Variants in ROCK1 observed in about 807,000 individuals in gnomAD.
The protein encoded by ROCK1 is Rho associated coiled-coil containing protein kinase 1, also known as rho-associated protein kinase 1.
ROCK1 carries 36 observed loss-of-function variants against 196.8 expected under a neutral mutation model. That is an observed-to-expected ratio of 0.18 (90% CI 0.14 to 0.24). The LOEUF (loss-of-function observed/expected upper bound fraction) is 0.24, where lower values mean the gene tolerates loss of function less well. Among genes scored for constraint, ROCK1 ranks in the 10% least tolerant of loss-of-function variants. ROCK1 has a pLI of 1.00. For synonymous variants in ROCK1, 443 were observed against 515.9 expected, an observed-to-expected ratio of 0.86 and a Z score of 1.91; for missense variants, 920 against 1,562.0, an observed-to-expected ratio of 0.59 and a Z score of 6.93.
chr18:21,100,610 C>T (rs993982682), intron 1 of ROCK1, among the ~76,000 whole-genome samples: 13 of 151,044 alleles, frequency 8.6e-5, no homozygotes, highest in Admixed American at 3.3e-4. Flanking sequence ...AGACTGAGAG[C>T]GAAATAAATA....
At position 20,960,992 on chromosome 18, in the gene ROCK1, C is replaced by T. The variant is rs1452442670; in HGVS notation, c.3353-786G>A. ...TCTACTGCCATTATTTCAACTAGTA[C>T]GTGCATACCAGGAATTCCTTGACTA... On this transcript the variant is annotated intron_variant, in intron 27 of 32. Transcript: ENST00000399799. Among the ~76,000 whole-genome samples the T allele has an allele frequency of 4.6e-5, 7 of 152,074 alleles. No individual in the cohort carries two copies. In the South Asian group the frequency reaches 6.2e-4, roughly 13 times the overall value.
intron 26 of ROCK1, among the ~76,000 whole-genome samples, chr18:20,967,421 C>CTTT (rs2035384282): frequency 6.6e-6 from 1 of 152,026 alleles, no homozygotes; most frequent in Admixed American, 6.6e-5. Flanking sequence ...ACTGATGGAG[C>CTTT]TAAAAAGCTT....
intron 12 of ROCK1, among the ~76,000 whole-genome samples, chr18:21,019,654 C>T (rs2035895702): frequency 6.6e-6 from 1 of 151,502 alleles, no homozygotes; most frequent in Non-Finnish European, 1.5e-5. Flanking sequence ...AAAAATTAGC[C>T]AGGTGTGGTG....
intron 16 of ROCK1, among the ~76,000 whole-genome samples, chr18:20,998,575 T>A (rs1171253682): frequency 6.6e-6 from 1 of 151,474 alleles, no homozygotes; most frequent in Non-Finnish European, 1.5e-5. Context: ...ACTGAATGAC[T>A]TTACTGCTAA....
At chr18:21,105,243 G>A (rs1028722609) in intron 1 of ROCK1, among the ~76,000 whole-genome samples, 2 of 152,122 alleles carry the variant, frequency 1.3e-5, no homozygotes, top group Admixed American at 6.6e-5. Flanking sequence ...TCAGAGCCTA[G>A]ATTTCAATCC....
At position 21,087,279 on chromosome 18, in the gene ROCK1, G is replaced by A. The variant is rs1439486231; in HGVS notation, c.94-16666C>T. Among the ~76,000 whole-genome samples the A allele has an allele frequency of 2.6e-5, 4 of 151,812 alleles. No homozygotes were observed. In the East Asian group the frequency reaches 7.7e-4, roughly 29 times the overall value. Reference sequence around the variant, plus strand: ...GGAACACAGATACAAAAAACAGGGAGGTAAAAACAGAAAAGAAAGAATATA... The same window carrying A: ...GGAACACAGATACAAAAAACAGGGAAGTAAAAACAGAAAAGAAAGAATATA... On this transcript the variant is annotated intron_variant, in intron 1 of 32. Coordinates refer to ENST00000399799, the MANE Select transcript of ROCK1 (RefSeq NM_005406.3).
chr18:21,014,603 C>T (rs977197197), intron 13 of ROCK1, among the ~76,000 whole-genome samples: 1 of 152,114 alleles, frequency 6.6e-6, no homozygotes, highest in African/African-American at 2.4e-5. Context: ...AAAAGGACTC[C>T]TTAAACACTC....
rs374537871 is a variant in ROCK1 at position 21,006,479 on chromosome 18, T to A, written c.1757A>T (p.Gln586Leu). Reference protein sequence around the residue: ...SQLESLNRELQERNRILENSK... With the variant: ...SQLESLNRELLERNRILENSK... ...ATTCTCTAAAATTCGATTTCTCTCTTGCAACTCTCTGTTCAGGGACTCTAA... is the reference window on the plus strand; with the variant it reads ...ATTCTCTAAAATTCGATTTCTCTCTAGCAACTCTCTGTTCAGGGACTCTAA... Residue 586 changes from glutamine (Q) to leucine (L), a missense_variant, in exon 16 of 33, where the codon CAA becomes CTA. Physicochemically the swap from Gln to Leu is moderately radical, Grantham distance 113. This residue lies in a region of ROCK1 where 520 missense variants were observed against 657.1 expected (regional missense o/e 0.79). Transcript: ENST00000399799. The A allele has an allele frequency of 3.1e-6, 5 of 1,613,906 alleles. No individual in the cohort carries two copies. Among genetic ancestry groups the A allele is most frequent in the South Asian group, 2.2e-5 (2 of 91,086 alleles).
At chr18:21,010,934 T>C (rs1156272305) in intron 13 of ROCK1, among the ~76,000 whole-genome samples, 1 of 152,246 alleles carries the variant, frequency 6.6e-6, no homozygotes, top group Non-Finnish European at 1.5e-5. Flanking sequence ...TATTCCTCTA[T>C]GTTCATGGTA....
chr18:20,973,675 G>C (rs2035452144), intron 22 of ROCK1, among the ~76,000 whole-genome samples: 1 of 152,138 alleles, frequency 6.6e-6, no homozygotes, highest in Non-Finnish European at 1.5e-5. Context: ...TCAGAAGGAA[G>C]GCAGGGTTTA....
At chr18:21,041,259 CTG>C (rs2036103080) in intron 8 of ROCK1, among the ~76,000 whole-genome samples, 1 of 146,324 alleles carries the variant, frequency 6.8e-6, no homozygotes, top group Non-Finnish European at 1.5e-5. Flanking sequence ...GAGCAAAACC[CTG>C]TCTCTATTTA....
chr18:20,959,103 T>TATTATATAATATATATATTATATATAA (rs1568367416), intron 29 of ROCK1, among the ~76,000 whole-genome samples: 1 of 17,548 alleles, frequency 5.7e-5, no homozygotes, highest in Admixed American at 1.5e-3. Flanking sequence ...AATATATATA[T>TATTATATAATATATATATTATATATAA]TATATATATA....
At chr18:20,959,104 T>TATATAATATATATATTTTATATA (rs1568367426) in intron 29 of ROCK1, among the ~76,000 whole-genome samples, 1 of 18,816 alleles carries the variant, frequency 5.3e-5, no homozygotes, top group Non-Finnish European at 8.6e-5. Flanking sequence ...ATATATATAT[T>TATATAATATATATATTTTATATA]ATATATATAT....
chr18:21,074,033 T>C (rs1316877588), intron 1 of ROCK1, among the ~76,000 whole-genome samples: 2 of 152,030 alleles, frequency 1.3e-5, no homozygotes. Flanking sequence ...TGCCGCATGC[T>C]TGCAGTCCCA....
At chr18:20,965,404 TATAC>T (rs35001699) in intron 27 of ROCK1, among the ~76,000 whole-genome samples, 47,963 of 146,606 alleles carry the variant, frequency 0.33, 7,815 homozygotes, top group Middle Eastern at 0.52. Flanking sequence ...TACATACATA[TATAC>T]ATACATACAT....
intron 10 of ROCK1, among the ~76,000 whole-genome samples, chr18:21,024,925 T>C (rs1395379275): frequency 6.6e-6 from 1 of 152,204 alleles, no homozygotes; most frequent in East Asian, 1.9e-4. Flanking sequence ...AGAAATTCAA[T>C]GTGAGATTCT....
At chr18:20,997,216 T>C (rs2035679162) in intron 16 of ROCK1, among the ~76,000 whole-genome samples, 1 of 152,000 alleles carries the variant, frequency 6.6e-6, no homozygotes, top group African/African-American at 2.4e-5. Context: ...CAATGATCTG[T>C]TGACTACAAG....
chr18:21,072,946 T>C (rs777885309), intron 1 of ROCK1, among the ~76,000 whole-genome samples: 1 of 151,184 alleles, frequency 6.6e-6, no homozygotes, highest in Non-Finnish European at 1.5e-5. Flanking sequence ...TGGTGGTGGG[T>C]ACCTGTAATC....
At chr18:20,986,504 C>A (rs2035579408) in intron 19 of ROCK1, among the ~76,000 whole-genome samples, 1 of 152,192 alleles carries the variant, frequency 6.6e-6, no homozygotes, top group African/African-American at 2.4e-5. Flanking sequence ...CCAGGACATA[C>A]TGTCATTTTA....
Sources: gnomAD v4.1 joint callset for allele counts (sites outside exome capture counted in the v4.1 genomes callset) on GRCh38, gnomAD v4.1.1 for gene constraint, gnomAD v4.1.1 regional missense constraint, MANE v1.5 for transcripts, NCBI Gene and HGNC (gene_info 2026-07-23, HGNC 2026-07-21) for gene names.